Variants in CADM2 observed in about 807,000 individuals in gnomAD.
The protein encoded by CADM2 is immunoglobulin superfamily member 4D.
In CADM2, 12 loss-of-function variants were observed where a neutral mutation model predicts 49.8. The ratio of observed to expected loss-of-function variants is 0.24; its 90% CI spans 0.15 to 0.39. CADM2 has a LOEUF of 0.39. CADM2 is among the 10% of genes least tolerant of loss of function. The probability of loss-of-function intolerance (pLI) is 1.00; values close to 1 mark genes in which losing one functional copy is unlikely to be tolerated. For missense variants in CADM2, 378 were observed against 492.3 expected (o/e 0.77, Z 2.20); for synonymous variants, 214 against 175.4 (o/e 1.22, Z -1.74).
intron 1 of CADM2, among the ~76,000 whole-genome samples, chr3:85,075,463 T>C (rs1205788626): frequency 2.0e-5 from 3 of 152,146 alleles, no homozygotes; most frequent in South Asian, 2.1e-4. Flanking sequence ...TCTTTACAAA[T>C]TGTACACATG....
At chr3:85,632,770 C>A (rs1398394819) in intron 1 of CADM2, among the ~76,000 whole-genome samples, 1 of 151,688 alleles carries the variant, frequency 6.6e-6, no homozygotes, top group Non-Finnish European at 1.5e-5. Context: ...TATTTAGAGT[C>A]CCAGTAGAAA....
At chr3:85,225,310 C>T (rs1048767238) in intron 1 of CADM2, among the ~76,000 whole-genome samples, 3 of 152,192 alleles carry the variant, frequency 2.0e-5, no homozygotes, top group Non-Finnish European at 2.9e-5. Flanking sequence ...TTGAAGAGGT[C>T]ATTCACATCC....
intron 1 of CADM2, among the ~76,000 whole-genome samples, chr3:85,564,663 T>C (rs1377199706): frequency 6.6e-6 from 1 of 152,126 alleles, no homozygotes; most frequent in African/African-American, 2.4e-5. Context: ...ACATGCATAC[T>C]TATTCATCTG....
intron 1 of CADM2, among the ~76,000 whole-genome samples, chr3:85,708,617 T>G (rs1401070826): frequency 1.3e-5 from 2 of 152,064 alleles, no homozygotes; most frequent in African/African-American, 4.8e-5. Context: ...ACCAATCTAC[T>G]CCAGAAATCT....
At chr3:85,709,419 T>C (rs2067046972) in intron 1 of CADM2, among the ~76,000 whole-genome samples, 5 of 152,164 alleles carry the variant, frequency 3.3e-5, no homozygotes, top group Admixed American at 1.3e-4. Context: ...TTTTGTTGCG[T>C]TACATACAAG....
At chr3:85,244,265 G>C (rs1400272563) in intron 1 of CADM2, among the ~76,000 whole-genome samples, 1 of 152,092 alleles carries the variant, frequency 6.6e-6, no homozygotes, top group Non-Finnish European at 1.5e-5. Flanking sequence ...CGCAAGGGCT[G>C]TGTACTTGAC....
At position 85,737,808 on chromosome 3, in the gene CADM2, G is replaced by A. The variant is rs568853178; in HGVS notation, c.88+11260G>A. Among the ~76,000 whole-genome samples, 24 of 152,116 alleles carry A rather than the reference G, an allele frequency of 1.6e-4. No homozygotes were observed. In the East Asian group the frequency reaches 2.3e-3, roughly 15 times the overall value. On this transcript the variant is annotated intron_variant, in intron 2 of 9. Transcript: ENST00000383699. ...CTCCTGACCTCGTGATCTGCCCGCCGCTGCCTCCCAAACTGCTGGGGTTAC... is the reference window on the plus strand; with the variant it reads ...CTCCTGACCTCGTGATCTGCCCGCCACTGCCTCCCAAACTGCTGGGGTTAC...
At chr3:85,627,783 A>G (rs1193528339) in intron 1 of CADM2, among the ~76,000 whole-genome samples, 1 of 152,056 alleles carries the variant, frequency 6.6e-6, no homozygotes, top group Non-Finnish European at 1.5e-5. Context: ...GCCCTCCAAA[A>G]GCTCATTTCT....
intron 6 of CADM2, among the ~76,000 whole-genome samples, 191 bp downstream of exon 6, chr3:85,912,734 A>G (rs1373726370): frequency 6.6e-6 from 1 of 152,194 alleles, no homozygotes; most frequent in African/African-American, 2.4e-5. Flanking sequence ...TTCATTCTTA[A>G]CAATGAGGAA....
chr3:85,432,393 G>A (rs376537093), intron 1 of CADM2, among the ~76,000 whole-genome samples: 11 of 151,966 alleles, frequency 7.2e-5, no homozygotes, highest in African/African-American at 2.7e-4. Flanking sequence ...TTTGGAAAAG[G>A]TTCAAGAATT....
chr3:85,621,977 C>G (rs893018540), intron 1 of CADM2, among the ~76,000 whole-genome samples: 1 of 152,080 alleles, frequency 6.6e-6, no homozygotes, highest in African/African-American at 2.4e-5. Flanking sequence ...TTCAGTTTTA[C>G]AAAATAAAAG....
intron 1 of CADM2, among the ~76,000 whole-genome samples, chr3:85,523,745 T>A (rs2061085798): frequency 6.6e-6 from 1 of 152,096 alleles, no homozygotes; most frequent in Admixed American, 6.6e-5. Flanking sequence ...ATTTTACTAC[T>A]TTCTTTTTTA....
intron 1 of CADM2, among the ~76,000 whole-genome samples, chr3:85,413,670 A>G (rs774174808): frequency 6.6e-6 from 1 of 152,134 alleles, no homozygotes. Flanking sequence ...GTGAGTACTC[A>G]CACACTATCA....
chr3:85,752,931 T>TA (rs1275797955), intron 2 of CADM2, among the ~76,000 whole-genome samples: 10 of 152,128 alleles, frequency 6.6e-5, no homozygotes, highest in African/African-American at 2.4e-4. Flanking sequence ...CAAAGCACCT[T>TA]AAAAAATACT....
intron 7 of CADM2, among the ~76,000 whole-genome samples, chr3:85,945,624 A>G (rs1366228266): frequency 6.6e-6 from 1 of 152,200 alleles, no homozygotes; most frequent in Non-Finnish European, 1.5e-5. Flanking sequence ...CTGGTTCAAC[A>G]TATGAAAATC....
intron 1 of CADM2, among the ~76,000 whole-genome samples, chr3:85,212,091 A>G (rs973941724): frequency 6.6e-6 from 1 of 152,176 alleles, no homozygotes; most frequent in South Asian, 2.1e-4. Context: ...ATACAAATAT[A>G]GCTGCTCCTC....
chr3:85,878,621 A>C (rs1211878222), intron 3 of CADM2, among the ~76,000 whole-genome samples: 1 of 152,154 alleles, frequency 6.6e-6, no homozygotes, highest in Non-Finnish European at 1.5e-5. Flanking sequence ...GGAAGGAATC[A>C]GAAATTATTA....
At chr3:85,760,422 C>T (rs1365353407) in intron 2 of CADM2, among the ~76,000 whole-genome samples, 1 of 151,090 alleles carries the variant, frequency 6.6e-6, no homozygotes, top group African/African-American at 2.4e-5. Context: ...GACATTTATT[C>T]TACACAAAAT....
chr3:85,722,474 T>C (rs963849044), intron 1 of CADM2, among the ~76,000 whole-genome samples: 1 of 152,192 alleles, frequency 6.6e-6, no homozygotes, highest in Non-Finnish European at 1.5e-5. Flanking sequence ...AATCAAAATA[T>C]TTCAATAAAA....
Sources: allele counts gnomAD v4.1 joint callset (sites outside exome capture counted in the v4.1 genomes callset), GRCh38; gene constraint gnomAD v4.1.1; transcripts MANE v1.5; gene names NCBI Gene and HGNC (gene_info 2026-07-23, HGNC 2026-07-21).